The following CNTNAP5 variants were observed in gnomAD, a reference collection of about 807,000 sequenced individuals.
CNTNAP5 encodes the protein contactin-associated protein-like 5.
Under a neutral mutation model 150.2 loss-of-function variants are expected in CNTNAP5, and 72 were observed. The observed-to-expected ratio is 0.48, with a 90% confidence interval of 0.40 to 0.58. CNTNAP5 has a LOEUF of 0.58. Ranked by LOEUF, CNTNAP5 falls within the 20% of genes least tolerant of loss-of-function variation. The pLI is 0.00. For missense variants in CNTNAP5, 1,636 were observed against 1,626.2 expected (o/e 1.01, Z -0.10); for synonymous variants, 672 against 619.8 (o/e 1.08, Z -1.25).
chr2:124,231,876 G>A (rs977210233), intron 2 of CNTNAP5, among the ~76,000 whole-genome samples: 1 of 152,100 alleles, frequency 6.6e-6, no homozygotes, highest in African/African-American at 2.4e-5. Flanking sequence ...ACATGATGAG[G>A]AGGAGGAGAA....
At chr2:124,542,616 A>C (rs2104907796) in intron 10 of CNTNAP5, among the ~76,000 whole-genome samples, 1 of 152,096 alleles carries the variant, frequency 6.6e-6, no homozygotes, top group Admixed American at 6.5e-5. Context: ...GTCTAGTTCA[A>C]ATCCTACCTA....
chr2:124,278,422 C>G (rs893711040), intron 3 of CNTNAP5, among the ~76,000 whole-genome samples: 1 of 152,144 alleles, frequency 6.6e-6, no homozygotes, highest in African/African-American at 2.4e-5. Context: ...ATTCATTACG[C>G]TCAGCTTTAT....
intron 1 of CNTNAP5, among the ~76,000 whole-genome samples, chr2:124,116,757 A>G (rs1424555474): frequency 6.6e-6 from 1 of 152,184 alleles, no homozygotes; most frequent in Non-Finnish European, 1.5e-5. Flanking sequence ...GATTGCATTA[A>G]AGGAGTGGAC....
chr2:124,661,919 G>T (rs1329843615), intron 13 of CNTNAP5, among the ~76,000 whole-genome samples: 1 of 151,896 alleles, frequency 6.6e-6, no homozygotes, highest in African/African-American at 2.4e-5. Flanking sequence ...GAACATGCAG[G>T]TATACATGTG....
chr2:124,626,703 A>G (rs766908643), intron 12 of CNTNAP5, among the ~76,000 whole-genome samples: 26 of 152,262 alleles, frequency 1.7e-4, no homozygotes, highest in Non-Finnish European at 3.4e-4. Context: ...CCAGTAAGAC[A>G]GGAGAACAGT....
intron 13 of CNTNAP5, among the ~76,000 whole-genome samples, chr2:124,671,034 A>G (rs994978042): frequency 6.6e-6 from 1 of 152,128 alleles, no homozygotes; most frequent in African/African-American, 2.4e-5. Context: ...GAGGTGCCCA[A>G]TATACCCAAC....
intron 7 of CNTNAP5, among the ~76,000 whole-genome samples, chr2:124,495,754 A>C (rs1273298259): frequency 6.6e-6 from 1 of 152,054 alleles, no homozygotes; most frequent in Non-Finnish European, 1.5e-5. Context: ...TGTATTATGG[A>C]CTTCTTTTCA....
intron 11 of CNTNAP5, among the ~76,000 whole-genome samples, chr2:124,584,459 G>A (rs1319595853): frequency 6.6e-6 from 1 of 152,004 alleles, no homozygotes; most frequent in Non-Finnish European, 1.5e-5. Flanking sequence ...AAATGTCCTG[G>A]GTAACAGAAG....
At chr2:124,506,956 T>C (rs1024334290) in intron 8 of CNTNAP5, among the ~76,000 whole-genome samples, 2 of 152,202 alleles carry the variant, frequency 1.3e-5, no homozygotes, top group Admixed American at 1.3e-4. Context: ...TTTACATTTT[T>C]ACCCTCAAGT....
At chr2:124,869,614 G>C in intron 20 of CNTNAP5, 61 bp from the exon 21 acceptor site, 4 of 1,107,200 alleles carry the variant, frequency 3.6e-6, no homozygotes, top group African/African-American at 3.1e-5. Flanking sequence ...AGATGGGATC[G>C]TTTTATGCTT....
chr2:124,059,149 C>A (rs574447373), intron 1 of CNTNAP5, among the ~76,000 whole-genome samples: 1 of 152,080 alleles, frequency 6.6e-6, no homozygotes, highest in Non-Finnish European at 1.5e-5. Flanking sequence ...ACAGCACTAA[C>A]GCATTTTAAA....
intron 1 of CNTNAP5, among the ~76,000 whole-genome samples, chr2:124,026,818 T>C (rs1219511249): frequency 2.6e-5 from 4 of 152,208 alleles, no homozygotes; most frequent in Admixed American, 2.0e-4. Flanking sequence ...TAGAGAACAG[T>C]AGGAAGATTA....
intron 8 of CNTNAP5, among the ~76,000 whole-genome samples, chr2:124,514,557 G>A (rs538700150): frequency 6.6e-6 from 1 of 152,136 alleles, no homozygotes; most frequent in Non-Finnish European, 1.5e-5. Context: ...ACCTGGGAAG[G>A]AGGCACTGCC....
At chr2:124,422,021 G>A (rs1415274935) in intron 4 of CNTNAP5, among the ~76,000 whole-genome samples, 7 of 152,288 alleles carry the variant, frequency 4.6e-5, no homozygotes, top group Admixed American at 1.3e-4. Context: ...AAAGTACCAT[G>A]AGACCAGGCA....
chr2:124,336,189 G>C (rs1012969810), intron 3 of CNTNAP5, among the ~76,000 whole-genome samples: 1 of 152,098 alleles, frequency 6.6e-6, no homozygotes, highest in Non-Finnish European at 1.5e-5. Flanking sequence ...CTTGGACCAA[G>C]GAAGGTGAGG....
At chr2:124,310,231 C>T (rs1339507308) in intron 3 of CNTNAP5, among the ~76,000 whole-genome samples, 1 of 152,054 alleles carries the variant, frequency 6.6e-6, no homozygotes, top group Non-Finnish European at 1.5e-5. Context: ...GACATTAATG[C>T]TGGCATATTG....
At chr2:124,302,454 A>T (rs1688588212) in intron 3 of CNTNAP5, among the ~76,000 whole-genome samples, 1 of 152,172 alleles carries the variant, frequency 6.6e-6, no homozygotes, top group African/African-American at 2.4e-5. Flanking sequence ...CTGGCATCTT[A>T]TGAGAGTCTT....
chr2:124,269,940 A>G (rs2565770), intron 3 of CNTNAP5, among the ~76,000 whole-genome samples: 44,685 of 152,078 alleles, frequency 0.29, 7,163 homozygotes, highest in Admixed American at 0.38. Flanking sequence ...ATGTCTGCGG[A>G]TGTTAATGAG....
rs11351266 is a variant in CNTNAP5, at chr2:124,523,962, G to GT, written c.1328-329dup. On this transcript the variant is annotated intron_variant, in intron 8 of 23. Coordinates refer to ENST00000682447, the MANE Select transcript of CNTNAP5 (RefSeq NM_001367498.1). ...TAATATTTTGAGTTCGTTTATTTTT[G>GT]TTTTTTTTTTTTCCTCTGCGTTTAT... Among the ~76,000 whole-genome samples, 384 of 144,316 alleles carry GT rather than the reference G, an allele frequency of 2.7e-3. 1 individual carries two copies. Among genetic ancestry groups the GT allele is most frequent in the Middle Eastern group, 0.018 (5 of 278 alleles). 94.7% of individuals were successfully genotyped at this position (144,316 alleles called of 152,430 possible).
Sources: gnomAD v4.1 joint callset for allele counts (sites outside exome capture counted in the v4.1 genomes callset) on GRCh38, gnomAD v4.1.1 for gene constraint, MANE v1.5 for transcripts, NCBI Gene and HGNC (gene_info 2026-07-23, HGNC 2026-07-21) for gene names.